Variants in SLC12A6 observed in about 807,000 individuals in gnomAD.
The protein encoded by SLC12A6 is solute carrier family 12 member 6.
A neutral mutation model predicts 135.3 loss-of-function variants in SLC12A6; 66 were observed. The ratio of observed to expected loss-of-function variants is 0.49; its 90% CI spans 0.40 to 0.60. The LOEUF is 0.60. Among genes scored for constraint, SLC12A6 ranks in the 20% least tolerant of loss-of-function variants. The probability of loss-of-function intolerance (pLI) is 0.00; values close to 1 mark genes in which losing one functional copy is unlikely to be tolerated. For missense variants in SLC12A6, 1,058 were observed against 1,452.3 expected, an observed-to-expected ratio of 0.73 and a Z score of 4.41; for synonymous variants, 513 against 508.8, an observed-to-expected ratio of 1.01 and a Z score of -0.11.
intron 2 of SLC12A6, among the ~76,000 whole-genome samples, chr15:34,322,932 T>C (rs2141140785): frequency 7.4e-6 from 1 of 135,578 alleles, no homozygotes; most frequent in East Asian, 2.1e-4. Context: ...TGAGCTGAGA[T>C]TGCACCACTG....
intron 2 of SLC12A6, among the ~76,000 whole-genome samples, chr15:34,317,431 C>A (rs1470729642): frequency 1.3e-5 from 2 of 152,180 alleles, no homozygotes; most frequent in Non-Finnish European, 2.9e-5. Flanking sequence ...AGGCCGGACG[C>A]AGTGGCTCAC....
chr15:34,254,377 G>A lies in SLC12A6; in HGVS notation c.1089C>T (p.Ile363=). The A allele has an allele frequency of 6.8e-6, 11 of 1,613,668 alleles. No individual in the cohort carries two copies. The highest frequency in any genetic ancestry group is 9.3e-6 in the Non-Finnish European group (11 of 1,179,568). ...VSILAIYAGA[I]KSSFAPPHFP... ...AGTGTGGAGGAGCAAAAGAAGACTT[G>A]ATGGCTCCAGCATAGATGGCCAAGA... The change falls in exon 9 of 26, where the codon ATC becomes ATT. Residue 363 remains isoleucine (I), a synonymous_variant. Transcript: ENST00000354181.
In SLC12A6 at chr15:34,254,547, C is replaced by A. The variant is rs768838620; in HGVS notation, c.919G>T (p.Ala307Ser). ...PRAAIFHSDD[A>S]LKESAAMLNN... ...AGCATGGCTGCTGATTCCTTGAGTG[C>A]GTCATCACTGTGAAAGATGGCAGCT... Residue 307 changes from alanine to serine, a missense_variant, in exon 9 of 26, where the codon GCA becomes TCA. Transcript: ENST00000354181. The A allele has an allele frequency of 2.5e-6, 4 of 1,608,506 alleles. No homozygotes were observed. In the East Asian group the frequency reaches 8.9e-5, roughly 36 times the overall value.
At chr15:34,312,623 G>A (rs555773208) in intron 2 of SLC12A6, among the ~76,000 whole-genome samples, 1 of 152,270 alleles carries the variant, frequency 6.6e-6, no homozygotes, top group African/African-American at 2.4e-5. Context: ...TTTTCCCTTC[G>A]AAACCCAGGG....
rs926701704 is a variant in SLC12A6 at position 34,242,354 on chromosome 15, T to C, written c.2043-133A>G. ...TTGAAACTATTATAAATAGAACTTT[T>C]GTAAAATGCAATAAAAATGAATTAT... On this transcript the variant is annotated intron_variant, in intron 16 of 25. Transcript: ENST00000354181. 1.1e-5 allele frequency: 7 copies of C among 663,396 alleles called. No individual in the cohort carries two copies. In the African/African-American group the frequency reaches 1.1e-4, roughly 10 times the overall value. The allele number at this position is 663,396 out of a possible 1,614,324, so 41.1% of individuals were successfully genotyped here. A position where few individuals can be genotyped will look rare whatever the true frequency, so the allele number is the denominator to read the frequency against.
intron 3 of SLC12A6, among the ~76,000 whole-genome samples, chr15:34,270,037 T>C (rs890119933): frequency 2.0e-5 from 3 of 151,996 alleles, no homozygotes; most frequent in Non-Finnish European, 4.4e-5. Context: ...TACCAAGTGG[T>C]TCAGTTAAAA....
intron 2 of SLC12A6, among the ~76,000 whole-genome samples, chr15:34,298,453 C>T (rs1347304911): frequency 1.3e-5 from 2 of 150,862 alleles, no homozygotes; most frequent in Non-Finnish European, 2.9e-5. Flanking sequence ...CCAGCCTAGG[C>T]GACAGAGTGA....
At chr15:34,263,278 G>T (rs1488324647) in intron 3 of SLC12A6, among the ~76,000 whole-genome samples, 1 of 151,972 alleles carries the variant, frequency 6.6e-6, no homozygotes, top group Non-Finnish European at 1.5e-5. Context: ...AATTAGCAGG[G>T]CATGGTGGTG....
chr15:34,324,047 A>T (rs1030040724), intron 2 of SLC12A6, among the ~76,000 whole-genome samples: 3 of 152,130 alleles, frequency 2.0e-5, no homozygotes, highest in African/African-American at 7.2e-5. Flanking sequence ...TAAATCAAAA[A>T]CATATGCCTA....
At chr15:34,242,753 G>A (rs997572164) in intron 16 of SLC12A6, among the ~76,000 whole-genome samples, 2 of 152,162 alleles carry the variant, frequency 1.3e-5, no homozygotes, top group African/African-American at 2.4e-5. Context: ...TTTTTGGGCC[G>A]GATGCGGTGG....
intron 13 of SLC12A6, among the ~76,000 whole-genome samples, chr15:34,249,617 G>T (rs1429821242): frequency 6.6e-6 from 1 of 152,050 alleles, no homozygotes; most frequent in Admixed American, 6.6e-5. Context: ...AACAGAATAT[G>T]AAGAAAGTAA....
chr15:34,320,720 A>T (rs773630146), intron 2 of SLC12A6, among the ~76,000 whole-genome samples: 105 of 151,644 alleles, frequency 6.9e-4, no homozygotes, highest in Non-Finnish European at 1.4e-3. Context: ...ATCAAGACCA[A>T]CCTGGCTAAC....
At chr15:34,303,171 T>A (rs1401906378) in intron 2 of SLC12A6, among the ~76,000 whole-genome samples, 1 of 152,052 alleles carries the variant, frequency 6.6e-6, no homozygotes, top group African/African-American at 2.4e-5. Context: ...AAAAGGGGAA[T>A]TAGGGGGACT....
intron 2 of SLC12A6, among the ~76,000 whole-genome samples, chr15:34,323,876 G>A (rs11637121): frequency 6.7e-6 from 1 of 148,922 alleles, no homozygotes; most frequent in Non-Finnish European, 1.5e-5. Flanking sequence ...GGGAGGCTGA[G>A]GCTGCAATGA....
At chr15:34,258,245 A>G (rs890133194) in intron 5 of SLC12A6, among the ~76,000 whole-genome samples, 1 of 152,242 alleles carries the variant, frequency 6.6e-6, no homozygotes, top group African/African-American at 2.4e-5. Context: ...AAAGGGCTGA[A>G]CAACCAGAAT....
intron 22 of SLC12A6, chr15:34,237,079 T>C (rs756893533): frequency 6.1e-6 from 3 of 494,324 alleles, no homozygotes; most frequent in Non-Finnish European, 3.7e-6. Flanking sequence ...CAGTCTCTCT[T>C]TTTTATACTG....
At chr15:34,294,171 T>G (rs534619093) in intron 2 of SLC12A6, among the ~76,000 whole-genome samples, 2 of 152,324 alleles carry the variant, frequency 1.3e-5, no homozygotes, top group South Asian at 4.1e-4. Context: ...TTTTCAAAGC[T>G]TTGTCATTGC....
In SLC12A6 at chr15:34,274,811, C is replaced by CA. The variant is rs564056104; in HGVS notation, c.316+533dup. On this transcript the variant is annotated intron_variant, in intron 3 of 25. Coordinates refer to ENST00000354181, the MANE Select transcript of SLC12A6 (RefSeq NM_001365088.1). ...CTGGTGACAGAGCGAGACACTGTCT[C>CA]AAAAAAAAAAAGAGAAATTCTTGTC... Among the ~76,000 whole-genome samples the CA allele has an allele frequency of 7.8e-3, 1,078 of 137,944 alleles. 12 individuals are homozygous for CA. The highest frequency in any genetic ancestry group is 0.052 in the South Asian group (232 of 4,432). 90.5% of individuals were successfully genotyped at this position (137,944 alleles called of 152,430 possible).
chr15:34,283,003 A>C (rs1894788484), intron 2 of SLC12A6, among the ~76,000 whole-genome samples: 1 of 152,250 alleles, frequency 6.6e-6, no homozygotes, highest in Admixed American at 6.5e-5. Flanking sequence ...AAGGTAAATA[A>C]GAAAAAGTTC....
Sources: allele counts gnomAD v4.1 joint callset (sites outside exome capture counted in the v4.1 genomes callset), GRCh38; gene constraint gnomAD v4.1.1; transcripts MANE v1.5; gene names NCBI Gene and HGNC (gene_info 2026-07-23, HGNC 2026-07-21).